The following OSBPL10 variants were observed in gnomAD, a reference collection of about 807,000 sequenced individuals.
OSBPL10 encodes the protein oxysterol-binding protein-related protein 10.
A neutral mutation model predicts 81.7 loss-of-function variants in OSBPL10; 49 were observed. The observed-to-expected ratio is 0.60, with a 90% confidence interval of 0.48 to 0.76. OSBPL10 has a LOEUF of 0.76. Among genes scored for constraint, OSBPL10 ranks in the 30% least tolerant of loss-of-function variants. The pLI, the probability that OSBPL10 is intolerant of heterozygous loss-of-function variation, is 0.00. For missense variants in OSBPL10, 923 were observed against 987.8 expected (o/e 0.93, Z 0.88); for synonymous variants, 419 against 383.6 (o/e 1.09, Z -1.08).
chr3:31,744,108 A>G (rs1179998973), intron 5 of OSBPL10, among the ~76,000 whole-genome samples: 1 of 152,234 alleles, frequency 6.6e-6, no homozygotes, highest in Non-Finnish European at 1.5e-5. Context: ...GGTTGTTTTA[A>G]AACTTCAGGG....
chr3:31,837,318 AAATTATATAT>A (rs1700377029), intron 3 of OSBPL10, among the ~76,000 whole-genome samples: 3 of 97,526 alleles, frequency 3.1e-5, no homozygotes, highest in Admixed American at 2.3e-4. Context: ...ACAGATCCCC[AAATTATATAT>A]ATATATATAT....
At chr3:31,870,118 G>A (rs907900723) in intron 3 of OSBPL10, among the ~76,000 whole-genome samples, 43 of 152,348 alleles carry the variant, frequency 2.8e-4, no homozygotes, top group African/African-American at 8.9e-4. Context: ...GGGAGGTGTG[G>A]AGGGACAGGC....
At chr3:31,955,549 T>C (rs1254982983) in intron 1 of OSBPL10, among the ~76,000 whole-genome samples, 1 of 152,192 alleles carries the variant, frequency 6.6e-6, no homozygotes, top group Non-Finnish European at 1.5e-5. Context: ...GCATTGGCAC[T>C]TGCACTGACT....
chr3:31,742,452 G>A (rs1236492496), intron 5 of OSBPL10, among the ~76,000 whole-genome samples: 2 of 152,156 alleles, frequency 1.3e-5, no homozygotes, highest in African/African-American at 2.4e-5. Flanking sequence ...TTCTGCTCTG[G>A]TTCTTCTTCT....
intron 1 of OSBPL10, among the ~76,000 whole-genome samples, chr3:31,931,714 T>A (rs1343539506): frequency 1.3e-5 from 2 of 152,256 alleles, no homozygotes; most frequent in Non-Finnish European, 2.9e-5. Flanking sequence ...TAGAATGGTG[T>A]CTTGCACATA....
intron 8 of OSBPL10, among the ~76,000 whole-genome samples, chr3:31,676,488 A>G (rs1700480036): frequency 6.6e-6 from 1 of 152,226 alleles, no homozygotes; most frequent in Non-Finnish European, 1.5e-5. Flanking sequence ...TGATTCGCCA[A>G]TAAAGGCAAA....
rs889214201 is a variant in OSBPL10, at chr3:31,751,515, A to T, written c.730-3395T>A. Among the ~76,000 whole-genome samples, 42 of 152,236 alleles carry T rather than the reference A, an allele frequency of 2.8e-4. 1 individual carries two copies. The highest frequency in any genetic ancestry group is 1.3e-4 in the Admixed American group (2 of 15,276). ...CAGTTACGATGGCTGGGGAAGAACT[A>T]CGGCACTGAAAGCATAGAGCCCAGG... On this transcript the variant is annotated intron_variant, in intron 4 of 11. Coordinates refer to ENST00000396556, the MANE Select transcript of OSBPL10 (RefSeq NM_017784.5).
intron 2 of OSBPL10, among the ~76,000 whole-genome samples, chr3:32,036,647 T>A (rs1559553071): frequency 1.3e-5 from 2 of 151,980 alleles, no homozygotes; most frequent in Admixed American, 1.3e-4. Flanking sequence ...ATGCAATGTG[T>A]TGGGACACTA....
intron 3 of OSBPL10, among the ~76,000 whole-genome samples, chr3:31,833,725 A>G (rs937033933): frequency 4.0e-5 from 6 of 150,776 alleles, no homozygotes; most frequent in African/African-American, 1.5e-4. Flanking sequence ...ACACACACAC[A>G]CACACACACA....
At chr3:32,001,133 T>G (rs1186357573) in intron 2 of OSBPL10, among the ~76,000 whole-genome samples, 1 of 152,180 alleles carries the variant, frequency 6.6e-6, no homozygotes, top group Non-Finnish European at 1.5e-5. Context: ...GCCTGGCTGA[T>G]CAACCTGTGC....
chr3:31,880,997 G>C (rs1695557937), intron 1 of OSBPL10, among the ~76,000 whole-genome samples: 1 of 152,156 alleles, frequency 6.6e-6, no homozygotes, highest in Admixed American at 6.5e-5. Context: ...TAGATAGTTT[G>C]AAAAACACTT....
intron 11 of OSBPL10, chr3:31,663,378 C>T: frequency 1.0e-6 from 1 of 986,072 alleles, no homozygotes; most frequent in Non-Finnish European, 1.2e-6. Context: ...TGCTGGGTTC[C>T]TGTGGGCCTG....
chr3:31,975,529 G>A (rs138672947), intron 1 of OSBPL10, among the ~76,000 whole-genome samples: 34 of 152,344 alleles, frequency 2.2e-4, no homozygotes, highest in African/African-American at 6.5e-4. Flanking sequence ...TCCAGATAGA[G>A]TCAAAAGCAA....
chr3:31,811,537 G>C (rs1476878494), intron 4 of OSBPL10, among the ~76,000 whole-genome samples: 1 of 152,182 alleles, frequency 6.6e-6, no homozygotes, highest in Non-Finnish European at 1.5e-5. Context: ...ATGTGATGGT[G>C]CATCCATAGA....
At chr3:31,782,098 A>C (rs1002294102) in intron 4 of OSBPL10, among the ~76,000 whole-genome samples, 1 of 152,242 alleles carries the variant, frequency 6.6e-6, no homozygotes, top group African/African-American at 2.4e-5. Flanking sequence ...CTGGTATAAA[A>C]ATATGCACAT....
intron 1 of OSBPL10, among the ~76,000 whole-genome samples, chr3:31,956,498 C>G (rs1456408894): frequency 6.6e-6 from 1 of 152,336 alleles, no homozygotes; most frequent in African/African-American, 2.4e-5. Flanking sequence ...GCAGCTGGAT[C>G]ACCTGAGGTC....
intron 4 of OSBPL10, among the ~76,000 whole-genome samples, chr3:31,791,382 T>G (rs1481477628): frequency 2.0e-5 from 3 of 152,182 alleles, no homozygotes; most frequent in African/African-American, 7.2e-5. Context: ...TGAAAGGAGT[T>G]GAAGTCTGTG....
chr3:31,892,876 T>C (rs1409642900), intron 1 of OSBPL10, among the ~76,000 whole-genome samples: 1 of 152,204 alleles, frequency 6.6e-6, no homozygotes, highest in Non-Finnish European at 1.5e-5. Flanking sequence ...GCCAGGGATT[T>C]AATTGGGAAT....
At chr3:31,915,174 T>C (rs1248863109) in intron 1 of OSBPL10, among the ~76,000 whole-genome samples, 3 of 151,316 alleles carry the variant, frequency 2.0e-5, no homozygotes, top group Non-Finnish European at 2.9e-5. Context: ...TTTTTTTTAA[T>C]AAATAGCCAT....
Sources: allele counts gnomAD v4.1 joint callset (sites outside exome capture counted in the v4.1 genomes callset), GRCh38; gene constraint gnomAD v4.1.1; transcripts MANE v1.5; gene names NCBI Gene and HGNC (gene_info 2026-07-23, HGNC 2026-07-21).